Variants in PDE1C observed in about 807,000 individuals in gnomAD.
PDE1C encodes the protein phosphodiesterase 1C.
In PDE1C, 62 loss-of-function variants were observed where a neutral mutation model predicts 93.1. That is an observed-to-expected ratio of 0.67 (90% CI 0.54 to 0.82). PDE1C has a LOEUF of 0.82. Among genes scored for constraint, PDE1C ranks in the 40% least tolerant of loss-of-function variants. The probability of loss-of-function intolerance (pLI) is 0.00; values close to 1 mark genes in which losing one functional copy is unlikely to be tolerated. For synonymous variants in PDE1C, 325 were observed against 310.1 expected, an observed-to-expected ratio of 1.05 and a Z score of -0.50; for missense variants, 742 against 884.6, an observed-to-expected ratio of 0.84 and a Z score of 2.04.
At chr7:31,760,578 T>C (rs1333633478) in intron 17 of PDE1C, among the ~76,000 whole-genome samples, 1 of 152,176 alleles carries the variant, frequency 6.6e-6, no homozygotes, top group Non-Finnish European at 1.5e-5. Flanking sequence ...CAGGTGAGCA[T>C]CACCTCAAAT....
At chr7:31,928,375 G>A (rs1180815098) in intron 2 of PDE1C, among the ~76,000 whole-genome samples, 2 of 152,156 alleles carry the variant, frequency 1.3e-5, no homozygotes, top group South Asian at 2.1e-4. Flanking sequence ...TGTTATCCAG[G>A]AGAATTTCCC....
In PDE1C at chr7:31,921,488, A is replaced by T. The variant is rs540663175; in HGVS notation, c.129-40628T>A. On this transcript the variant is annotated intron_variant, in intron 2 of 17. Transcript: ENST00000396191. ...AGACATTCCCTTAATGGTCAGTTCT[A>T]TATGGTGTTATTTCAGGATTCATTC... 2.6e-5 allele frequency among the ~76,000 whole-genome samples: 4 copies of T among 152,284 alleles called. No individual in the cohort carries two copies. In the South Asian group the frequency reaches 8.3e-4, roughly 32 times the overall value.
rs1334181734 is a variant in PDE1C at position 31,880,967 on chromosome 7, A to G, written c.129-107T>C. On this transcript the variant is annotated intron_variant, in intron 2 of 17. Coordinates refer to ENST00000396191, the MANE Select transcript of PDE1C (RefSeq NM_001191057.4). The stretch of plus-strand genomic sequence containing the variant: ...TCATCGAATATTCTCACTTATTCTG[A>G]TACATCTGAAAGGAAAATAATTATG... The G allele has an allele frequency of 1.2e-5, 9 of 723,524 alleles. 1 individual carries two copies. In the South Asian group the frequency reaches 1.5e-4, roughly 12 times the overall value. 44.8% of individuals were successfully genotyped at this position (723,524 alleles called of 1,614,324 possible).
At chr7:31,841,563 G>T (rs1266138221) in intron 9 of PDE1C, among the ~76,000 whole-genome samples, 1 of 152,058 alleles carries the variant, frequency 6.6e-6, no homozygotes, top group East Asian at 1.9e-4. Context: ...CTTGCTGAGA[G>T]TTTTTATGAT....
chr7:31,973,076 A>C (rs2129050752), intron 2 of PDE1C, among the ~76,000 whole-genome samples: 1 of 152,320 alleles, frequency 6.6e-6, no homozygotes, highest in South Asian at 2.1e-4. Flanking sequence ...GAAGAACCAA[A>C]TGGAAATTAT....
chr7:31,686,541 T>G, the PDE1C span, among the ~76,000 whole-genome samples: 3 of 152,330 alleles, frequency 2.0e-5, no homozygotes, highest in East Asian at 5.8e-4. Context: ...TGAGAGGTAT[T>G]GCAAAGTGGT....
the PDE1C span, among the ~76,000 whole-genome samples, chr7:31,685,229 C>T: frequency 6.6e-6 from 1 of 151,846 alleles, no homozygotes; most frequent in Admixed American, 6.6e-5. Flanking sequence ...TCATGGTTGC[C>T]GAGTTTAAAA....
intron 3 of PDE1C, among the ~76,000 whole-genome samples, chr7:32,088,429 T>C (rs2128743129): frequency 6.6e-6 from 1 of 152,352 alleles, no homozygotes; most frequent in Non-Finnish European, 1.5e-5. Context: ...ACAGATCTGC[T>C]GGCTGAGCCC....
Position 31,753,318 on chromosome 7 carries a change from T to C in PDE1C, c.*66A>G. 6.4e-7 allele frequency: 1 copy of C among 1,561,376 alleles called. No homozygotes were observed. The highest frequency in any genetic ancestry group is 8.7e-7 in the Non-Finnish European group (1 of 1,153,720). On this transcript the variant is annotated 3_prime_UTR_variant, in exon 18 of 18. Coordinates refer to ENST00000396191, the MANE Select transcript of PDE1C (RefSeq NM_001191057.4). The stretch of plus-strand genomic sequence containing the variant: ...AGGGTCTTGGAGGTGTGTCCTGCTG[T>C]GGCCAGTGGGTGCTGAGAAGCAGAT...
chr7:31,654,423 TC>T, the PDE1C span, among the ~76,000 whole-genome samples: 3 of 152,314 alleles, frequency 2.0e-5, no homozygotes, highest in East Asian at 5.8e-4. Context: ...GAATCCTTTT[TC>T]CAAGGGTAAT....
chr7:32,344,066 TTTTA>T (rs1783806376), intron 1 of PDE1C, among the ~76,000 whole-genome samples: 3 of 152,194 alleles, frequency 2.0e-5, no homozygotes, highest in Admixed American at 2.0e-4. Context: ...TATGTTAATT[TTTTA>T]TTTTTTATTT....
chr7:31,737,599 C>T, the PDE1C span, among the ~76,000 whole-genome samples: 2 of 151,864 alleles, frequency 1.3e-5, no homozygotes, highest in South Asian at 2.1e-4. Flanking sequence ...GTCAGGAGTT[C>T]GAGACCAGCC....
chr7:31,711,109 T>C, the PDE1C span, among the ~76,000 whole-genome samples: 1 of 152,100 alleles, frequency 6.6e-6, no homozygotes, highest in East Asian at 1.9e-4. Context: ...CAACAGAAAA[T>C]AGAAGACAAT....
intron 17 of PDE1C, among the ~76,000 whole-genome samples, chr7:31,774,952 T>C (rs1027294069): frequency 6.6e-6 from 1 of 152,216 alleles, no homozygotes; most frequent in African/African-American, 2.4e-5. Context: ...CCCAAACAGA[T>C]GTGCTTTTCC....
At chr7:31,780,804 TG>T (rs1783352635) in intron 16 of PDE1C, among the ~76,000 whole-genome samples, 2 of 734 alleles carry the variant, frequency 2.7e-3, no homozygotes, top group African/African-American at 3.7e-3. Context: ...CGTGTGCATT[TG>T]TGTGTGTGTG....
At chr7:32,122,795 A>G (rs1468519147) in intron 3 of PDE1C, among the ~76,000 whole-genome samples, 1 of 152,174 alleles carries the variant, frequency 6.6e-6, no homozygotes, top group Admixed American at 6.5e-5. Flanking sequence ...TAAAAACACA[A>G]TTAAAAGAGC....
At chr7:32,387,632 GAT>G (rs1491519842) in intron 1 of PDE1C, among the ~76,000 whole-genome samples, 1 of 141,210 alleles carries the variant, frequency 7.1e-6, no homozygotes, top group African/African-American at 2.8e-5. Context: ...GCGGGGGGCT[GAT>G]CCCCCCACCT....
chr7:32,180,221 C>T (rs546244213), intron 2 of PDE1C, among the ~76,000 whole-genome samples: 18 of 152,020 alleles, frequency 1.2e-4, no homozygotes, highest in Admixed American at 2.0e-4. Context: ...GGAACTTTTC[C>T]GGAATTCTGT....
rs114907166 is a variant in PDE1C at position 32,399,307 on chromosome 7, C to G, written c.310+28515G>C. Among the ~76,000 whole-genome samples the G allele has an allele frequency of 8.0e-3, 1,219 of 152,276 alleles. 13 individuals carry two copies. The highest frequency in any genetic ancestry group is 0.027 in the African/African-American group (1,133 of 41,548). ...TCCAAATACTTTGTGGGATCCTGTA[C>G]TGGTCAGACCCTGTAGGATCCTGTA... On this transcript the variant is annotated intron_variant, in intron 1 of 1. Transcript: ENST00000672256.
Sources: allele counts gnomAD v4.1 joint callset (sites outside exome capture counted in the v4.1 genomes callset), GRCh38; gene constraint gnomAD v4.1.1; transcripts MANE v1.5; gene names NCBI Gene and HGNC (gene_info 2026-07-23, HGNC 2026-07-21).